HIPK2: variants seen among roughly 807,000 people sequenced by gnomAD.
HIPK2 encodes homeodomain interacting protein kinase 2, also known as homeodomain-interacting protein kinase 2.
Under a neutral mutation model 113.7 loss-of-function variants are expected in HIPK2, and 27 were observed. That is an observed-to-expected ratio of 0.24 (90% confidence interval 0.17 to 0.33). The LOEUF is 0.33. Ranked by LOEUF, HIPK2 falls within the 10% of genes least tolerant of loss-of-function variation. The pLI is 1.00. For missense variants in HIPK2, 1,257 were observed against 1,588.0 expected (o/e 0.79, Z 3.54); for synonymous variants, 631 against 642.2 (o/e 0.98, Z 0.26).
At chr7:139,731,493 T>TTTCTAAACCTCAAC (rs767673042) in intron 1 of HIPK2, among the ~76,000 whole-genome samples, 14 of 152,192 alleles carry the variant, frequency 9.2e-5, no homozygotes, top group Non-Finnish European at 1.6e-4. Context: ...AAACCTGCCT[T>TTTCTAAACCTCAAC]TTCTAAACCT....
rs1226410521 is a variant in HIPK2 at position 139,596,867 on chromosome 7, G to C, written c.2567C>G (p.Thr856Ser). ...GGAGGCCACGTCGCCCCACCCACAGGTGACCGAGGTGCTGCAGGCCGGGCT... is the reference window on the plus strand; with the variant it reads ...GGAGGCCACGTCGCCCCACCCACAGCTGACCGAGGTGCTGCAGGCCGGGCT... ...HSSPACSTSV[T>S]CGWGDVASST... The change falls in exon 12 of 15, where the codon ACC becomes AGC. Residue 856 changes from threonine (T) to serine (S), a missense_variant. Coordinates refer to ENST00000406875, the MANE Select transcript of HIPK2 (RefSeq NM_022740.5). 1.2e-6 allele frequency: 2 copies of C among 1,613,974 alleles called. No individual in the cohort carries two copies. Among genetic ancestry groups the C allele is most frequent in the South Asian group, 2.2e-5 (2 of 91,090 alleles).
chr7:139,641,980 A>G (rs967513800), intron 2 of HIPK2, among the ~76,000 whole-genome samples: 1 of 152,192 alleles, frequency 6.6e-6, no homozygotes, highest in Non-Finnish European at 1.5e-5. Context: ...TCTTGTCTCT[A>G]CGGCAGCTTA....
At chr7:139,692,660 A>G (rs1794439964) in intron 2 of HIPK2, among the ~76,000 whole-genome samples, 1 of 152,236 alleles carries the variant, frequency 6.6e-6, no homozygotes, top group Non-Finnish European at 1.5e-5. Context: ...AAAAAGTCAC[A>G]GTAGGCAAGT....
At chr7:139,644,227 T>C (rs1325283876) in intron 2 of HIPK2, among the ~76,000 whole-genome samples, 1 of 152,194 alleles carries the variant, frequency 6.6e-6, no homozygotes, top group African/African-American at 2.4e-5. Flanking sequence ...CAAAAACGTA[T>C]ACCTTAACAA....
chr7:139,568,806 T>C lies in HIPK2; in HGVS notation c.*4121A>G, dbSNP rs28488198. 23,816 of 152,252 alleles carry C rather than the reference T, an allele frequency of 0.16. 2,839 individuals carry two copies. The highest frequency in any genetic ancestry group is 0.33 in the African/African-American group (13,575 of 41,506). The allele number at this position is 152,252 out of a possible 1,614,324, so 9.4% of individuals were successfully genotyped here. A position where few individuals can be genotyped will look rare whatever the true frequency, so the allele number is the denominator to read the frequency against. ...TGGCCTCTCCTGCAGGGAGCTTCTC[T>C]TGGGGCTTCTGATGTGGCAGCTCCA... On this transcript the variant is annotated 3_prime_UTR_variant, in exon 15 of 15. Coordinates refer to ENST00000406875, the MANE Select transcript of HIPK2 (RefSeq NM_022740.5).
intron 2 of HIPK2, among the ~76,000 whole-genome samples, chr7:139,711,854 C>T (rs184746868): frequency 8.2e-4 from 125 of 152,324 alleles, no homozygotes; most frequent in African/African-American, 2.9e-3. Flanking sequence ...CAAGGATTAC[C>T]TGCAACTCTG....
rs184004728 is a variant in HIPK2 at position 139,751,245 on chromosome 7, C to T, written c.19+26360G>A. Among the ~76,000 whole-genome samples the T allele has an allele frequency of 6.7e-4, 102 of 152,028 alleles. 1 individual carries two copies. The highest frequency in any genetic ancestry group is 3.4e-3 in the Middle Eastern group (1 of 294). ...AGTGAAACATTTAAAAAAAAATGAA[C>T]ATGTTGAAGCAGACACTGTAAGTTG... On this transcript the variant is annotated intron_variant, in intron 1 of 14. Coordinates refer to ENST00000406875, the MANE Select transcript of HIPK2 (RefSeq NM_022740.5).
chr7:139,614,547 G>T (rs1799963035), intron 7 of HIPK2, 54 bp from the exon 8 acceptor site: 3 of 1,115,054 alleles, frequency 2.7e-6, no homozygotes, highest in East Asian at 3.0e-5. Context: ...AAATGAGGGA[G>T]GTGGCATGTT....
chr7:139,730,533 G>C (rs1795745022), intron 1 of HIPK2, among the ~76,000 whole-genome samples: 1 of 151,922 alleles, frequency 6.6e-6, no homozygotes, highest in African/African-American at 2.4e-5. Context: ...GCTAATTTTT[G>C]TATTTTTAGT....
intron 2 of HIPK2, among the ~76,000 whole-genome samples, chr7:139,696,724 G>A (rs1432663044): frequency 2.0e-5 from 3 of 152,166 alleles, no homozygotes; most frequent in Admixed American, 6.5e-5. Flanking sequence ...TAAAGGGGGC[G>A]GGGTGAAAAG....
intron 1 of HIPK2, among the ~76,000 whole-genome samples, chr7:139,761,784 G>A (rs192771764): frequency 3.3e-4 from 51 of 152,276 alleles, no homozygotes; most frequent in African/African-American, 1.0e-3. Flanking sequence ...GGTATTAAAC[G>A]AGATGAACTT....
At chr7:139,753,392 T>C (rs1451313078) in intron 1 of HIPK2, among the ~76,000 whole-genome samples, 1 of 152,158 alleles carries the variant, frequency 6.6e-6, no homozygotes, top group African/African-American at 2.4e-5. Flanking sequence ...TGTCACACCA[T>C]TCCTTGGGAC....
intron 2 of HIPK2, among the ~76,000 whole-genome samples, chr7:139,694,403 C>T (rs983113707): frequency 6.6e-6 from 1 of 151,890 alleles, no homozygotes; most frequent in African/African-American, 2.4e-5. Flanking sequence ...CATGACGTAT[C>T]CCAGCAACAC....
intron 2 of HIPK2, among the ~76,000 whole-genome samples, chr7:139,656,712 A>G (rs1164027765): frequency 6.6e-6 from 1 of 152,164 alleles, no homozygotes; most frequent in Non-Finnish European, 1.5e-5. Context: ...TGTTCAGTTC[A>G]TAACATCCTC....
chr7:139,581,879 C>A (rs568161112), intron 13 of HIPK2, among the ~76,000 whole-genome samples: 3 of 152,342 alleles, frequency 2.0e-5, no homozygotes, highest in Non-Finnish European at 4.4e-5. Context: ...TCGAGGTTTG[C>A]ACAAACATAT....
intron 9 of HIPK2, among the ~76,000 whole-genome samples, chr7:139,606,890 C>G (rs1265530141): frequency 6.6e-6 from 1 of 152,062 alleles, no homozygotes; most frequent in Non-Finnish European, 1.5e-5. Flanking sequence ...GTAAAGGAAG[C>G]CTCTAACCTG....
chr7:139,583,572 A>T (rs1798737669), intron 13 of HIPK2: 1 of 530,638 alleles, frequency 1.9e-6, no homozygotes, highest in Non-Finnish European at 3.3e-6. Flanking sequence ...AGTTGGAAGC[A>T]GAGCCATTGT....
intron 1 of HIPK2, among the ~76,000 whole-genome samples, chr7:139,766,871 A>C (rs1165431266): frequency 6.6e-6 from 1 of 152,196 alleles, no homozygotes; most frequent in African/African-American, 2.4e-5. Context: ...CCAAGACCAA[A>C]CTGGATGAAC....
At chr7:139,728,597 C>T (rs1280870812) in intron 1 of HIPK2, among the ~76,000 whole-genome samples, 1 of 152,202 alleles carries the variant, frequency 6.6e-6, no homozygotes, top group Non-Finnish European at 1.5e-5. Context: ...TCACTTTAAC[C>T]TGATTCCTTC....
Sources: allele counts gnomAD v4.1 joint callset (sites outside exome capture counted in the v4.1 genomes callset), GRCh38; gene constraint gnomAD v4.1.1; transcripts MANE v1.5; gene names NCBI Gene and HGNC (gene_info 2026-07-23, HGNC 2026-07-21).